Variants in CDH9 observed in about 807,000 individuals in gnomAD.
CDH9 encodes the protein cadherin-9.
In CDH9, 28 loss-of-function variants were observed where a neutral mutation model predicts 70.9. The ratio of observed to expected loss-of-function variants is 0.40; its 90% CI spans 0.29 to 0.54. CDH9 has a LOEUF of 0.54. Ranked by LOEUF, CDH9 falls within the 20% of genes least tolerant of loss-of-function variation. The pLI is 0.59. For missense variants in CDH9, 874 were observed against 984.4 expected (o/e 0.89, Z 1.50); for synonymous variants, 409 against 343.1 (o/e 1.19, Z -2.12).
At chr5:27,035,406 G>A (rs960078049) in intron 1 of CDH9, among the ~76,000 whole-genome samples, 2 of 151,498 alleles carry the variant, frequency 1.3e-5, no homozygotes, top group African/African-American at 4.8e-5. Flanking sequence ...AAGATACAGA[G>A]AAAGAAATTG....
intron 1 of CDH9, among the ~76,000 whole-genome samples, chr5:27,025,234 T>C (rs1743201710): frequency 6.6e-6 from 1 of 152,136 alleles, no homozygotes. Flanking sequence ...CCTATCAATG[T>C]ATTTTGAGTA....
chr5:26,932,870 A>G (rs1741487527), intron 2 of CDH9, among the ~76,000 whole-genome samples: 1 of 151,406 alleles, frequency 6.6e-6, no homozygotes, highest in South Asian at 2.1e-4. Context: ...TTGTCTAGGT[A>G]TAATTGAGCT....
In CDH9 at chr5:26,906,742, T is replaced by C. The variant is rs1740955712; in HGVS notation, c.620A>G (p.Tyr207Cys). The C allele has an allele frequency of 6.2e-7, 1 of 1,613,134 alleles. No homozygotes were observed. The highest frequency in any genetic ancestry group is 1.1e-5 in the South Asian group (1 of 91,050). ...ACCTGATTCTGGGTCCACTGAAAAA[T>C]ATGGCTGTCCTTGCAATATGCTATA... The part of the protein sequence containing the change: ...VVYSILQGQP[Y>C]FSVDPESGII... The change falls in exon 4 of 12, where the codon TAT becomes TGT. Residue 207 changes from tyrosine to cysteine, a missense_variant. Coordinates refer to ENST00000231021, the MANE Select transcript of CDH9 (RefSeq NM_016279.4).
intron 2 of CDH9, among the ~76,000 whole-genome samples, chr5:26,971,982 G>A (rs918119680): frequency 6.6e-6 from 1 of 151,992 alleles, no homozygotes; most frequent in Non-Finnish European, 1.5e-5. Context: ...GTGATTAAAT[G>A]GTAAATTAAA....
intron 2 of CDH9, among the ~76,000 whole-genome samples, chr5:26,970,829 T>C (rs186943434): frequency 6.6e-6 from 1 of 152,252 alleles, no homozygotes; most frequent in African/African-American, 2.4e-5. Flanking sequence ...AGACGATTTT[T>C]CTTATAAAAC....
At chr5:26,977,244 C>T (rs1031989349) in intron 2 of CDH9, among the ~76,000 whole-genome samples, 3 of 151,728 alleles carry the variant, frequency 2.0e-5, no homozygotes, top group Non-Finnish European at 4.4e-5. Context: ...CTAATGGAAA[C>T]TGGCAAGATA....
intron 11 of CDH9, among the ~76,000 whole-genome samples, chr5:26,883,640 ATG>A (rs1340561385): frequency 6.6e-6 from 1 of 152,102 alleles, no homozygotes; most frequent in East Asian, 1.9e-4. Flanking sequence ...AGAACACAGC[ATG>A]TGTGATTTGA....
At chr5:26,915,496 T>C (rs1490154963) in intron 3 of CDH9, 134 bp downstream of exon 3, 3 of 572,138 alleles carry the variant, frequency 5.2e-6, no homozygotes. Flanking sequence ...GAAGAGCTAG[T>C]TTAAGCTAAA....
intron 11 of CDH9, among the ~76,000 whole-genome samples, chr5:26,883,199 A>G (rs969891560): frequency 1.3e-5 from 2 of 149,758 alleles, no homozygotes; most frequent in African/African-American, 4.9e-5. Flanking sequence ...TGAGCCATGC[A>G]CTAGAAAAAG....
intron 2 of CDH9, among the ~76,000 whole-genome samples, chr5:26,949,107 A>T (rs952832247): frequency 6.6e-6 from 1 of 152,154 alleles, no homozygotes; most frequent in Non-Finnish European, 1.5e-5. Flanking sequence ...TAGGGTTAGG[A>T]TTAGCAATTT....
intron 1 of CDH9, among the ~76,000 whole-genome samples, chr5:27,012,009 G>T (rs1366210831): frequency 6.6e-6 from 1 of 151,890 alleles, no homozygotes; most frequent in East Asian, 1.9e-4. Context: ...TCTACACTAT[G>T]ATTCCAAAAC....
chr5:26,974,206 C>A (rs1482267011), intron 2 of CDH9, among the ~76,000 whole-genome samples: 1 of 152,074 alleles, frequency 6.6e-6, no homozygotes, highest in Non-Finnish European at 1.5e-5. Context: ...TGCGCCACTG[C>A]ACTTCAGCCA....
intron 3 of CDH9, among the ~76,000 whole-genome samples, chr5:26,912,533 T>C (rs1305546744): frequency 1.3e-5 from 2 of 150,970 alleles, no homozygotes; most frequent in Admixed American, 6.6e-5. Context: ...TATATATAGA[T>C]ATGTATGTAT....
chr5:26,957,194 G>T (rs1055157220), intron 2 of CDH9, among the ~76,000 whole-genome samples: 29 of 151,260 alleles, frequency 1.9e-4, no homozygotes, highest in African/African-American at 4.6e-4. Context: ...CCTCATTTTT[G>T]ATTTTTGTCT....
intron 3 of CDH9, among the ~76,000 whole-genome samples, chr5:26,909,430 T>G (rs1741008747): frequency 6.6e-6 from 1 of 151,714 alleles, no homozygotes; most frequent in Non-Finnish European, 1.5e-5. Flanking sequence ...ATTTTCATAT[T>G]AAAGATAAAA....
chr5:26,929,048 A>G (rs931939828), intron 2 of CDH9, among the ~76,000 whole-genome samples: 2 of 152,074 alleles, frequency 1.3e-5, no homozygotes, highest in Non-Finnish European at 2.9e-5. Flanking sequence ...CAACAAAGCA[A>G]AGAGACAACC....
Position 26,912,521 on chromosome 5 carries a change from G to GAT in CDH9, c.523+3107_523+3108dup, listed in dbSNP as rs1343013820. On this transcript the variant is annotated intron_variant, in intron 3 of 11. Transcript: ENST00000231021. ...TTATATATAGTTTTATATATATACAGATATATATAGATATGTATGTATTAA... is the reference window on the plus strand; with the variant it reads ...TTATATATAGTTTTATATATATACAGATATATATATAGATATGTATGTATTAA... 3.2e-3 allele frequency among the ~76,000 whole-genome samples: 477 copies of GAT among 149,590 alleles called. 1 individual carries two copies. Among genetic ancestry groups the GAT allele is most frequent in the African/African-American group, 0.011 (455 of 40,970 alleles).
chr5:27,010,597 T>A (rs1742939437), intron 1 of CDH9, among the ~76,000 whole-genome samples: 4 of 152,156 alleles, frequency 2.6e-5, no homozygotes, highest in Non-Finnish European at 5.9e-5. Flanking sequence ...AATCCTACAT[T>A]GAGTGCAGGA....
chr5:27,032,335 A>C (rs559069120), intron 1 of CDH9, among the ~76,000 whole-genome samples: 1 of 151,612 alleles, frequency 6.6e-6, no homozygotes, highest in Non-Finnish European at 1.5e-5. Context: ...TTCTAAACTA[A>C]ACAAAAAAGA....
Sources: gnomAD v4.1 joint callset for allele counts (sites outside exome capture counted in the v4.1 genomes callset) on GRCh38, gnomAD v4.1.1 for gene constraint, MANE v1.5 for transcripts, NCBI Gene and HGNC (gene_info 2026-07-23, HGNC 2026-07-21) for gene names.